ITPR1: variants seen among roughly 807,000 people sequenced by gnomAD.
ITPR1 encodes the protein inositol 1,4,5-trisphosphate receptor type 1.
ITPR1 carries 96 observed loss-of-function variants against 318.4 expected under a neutral mutation model. That is an observed-to-expected ratio of 0.30 (90% CI 0.26 to 0.36). The LOEUF is 0.36. ITPR1 is among the 10% of genes least tolerant of loss of function. ITPR1 has a pLI of 1.00. For synonymous variants in ITPR1, 1,312 were observed against 1,289.9 expected, an observed-to-expected ratio of 1.02 and a Z score of -0.37; for missense variants, 2,440 against 3,460.2, an observed-to-expected ratio of 0.71 and a Z score of 7.40.
At chr3:4,816,745 C>G (rs12638626) in intron 59 of ITPR1, among the ~76,000 whole-genome samples, 34,818 of 152,146 alleles carry the variant, frequency 0.23, 4,101 homozygotes, top group African/African-American at 0.27. Context: ...TTTCCAGTAA[C>G]TCCATAAAGT....
chr3:4,592,095 C>T (rs977673455), intron 4 of ITPR1, among the ~76,000 whole-genome samples: 5 of 152,164 alleles, frequency 3.3e-5, no homozygotes, highest in Admixed American at 2.6e-4. Context: ...AAAGAGAACA[C>T]ACAATAACGT....
chr3:4,593,586 T>A (rs1183660818), intron 4 of ITPR1, among the ~76,000 whole-genome samples: 2 of 152,234 alleles, frequency 1.3e-5, no homozygotes, highest in East Asian at 3.8e-4. Context: ...CTGATAATTA[T>A]ATGTGAAGTT....
chr3:4,709,443 T>G (rs182715768), intron 37 of ITPR1, among the ~76,000 whole-genome samples: 67 of 152,352 alleles, frequency 4.4e-4, no homozygotes, highest in Non-Finnish European at 8.5e-4. Flanking sequence ...TGGGTCCCAA[T>G]TTAAGCAGCT....
chr3:4,684,152 AAG>A, intron 28 of ITPR1, 127 bp from the exon 29 acceptor site: 1 of 683,312 alleles, frequency 1.5e-6, no homozygotes. Context: ...ACTGGGGCAT[AAG>A]CCCAGCATGA....
At chr3:4,606,957 T>C (rs2091748455) in intron 4 of ITPR1, among the ~76,000 whole-genome samples, 1 of 152,126 alleles carries the variant, frequency 6.6e-6, no homozygotes, top group African/African-American at 2.4e-5. Flanking sequence ...GAAGTATTCA[T>C]GGGGGAGATG....
chr3:4,556,479 C>G (rs368069097), intron 4 of ITPR1, among the ~76,000 whole-genome samples: 54 of 152,170 alleles, frequency 3.5e-4, no homozygotes, highest in African/African-American at 1.2e-3. Context: ...CTTCCCTCCC[C>G]CCAACCCCTG....
At position 4,497,442 on chromosome 3, in the gene ITPR1, G is replaced by A. The variant is rs540083493; in HGVS notation, c.-17+2936G>A. ...GATATAGCAATGAACAAACCATCCC[G>A]TTCCCAAGAGGCTTACATCTCAGTT... On this transcript the variant is annotated intron_variant, in intron 2 of 61. Coordinates refer to ENST00000649015, the MANE Select transcript of ITPR1 (RefSeq NM_001378452.1). Among the ~76,000 whole-genome samples the A allele has an allele frequency of 6.6e-5, 10 of 152,248 alleles. No individual in the cohort carries two copies. The South Asian group carries it at 1.0e-3, about 16-fold the overall frequency.
At chr3:4,535,442 A>ATTTTTTTTTTTTTTTTTTTTTTTATTTT (rs34152018) in intron 4 of ITPR1, among the ~76,000 whole-genome samples, 6 of 100,980 alleles carry the variant, frequency 5.9e-5, no homozygotes, top group Non-Finnish European at 9.2e-5. Context: ...TTTTTTTTTA[A>ATTTTTTTTTTTTTTTTTTTTTTTATTTT]TTTTTTTTTT....
intron 5 of ITPR1, among the ~76,000 whole-genome samples, chr3:4,634,695 A>G (rs145517252): frequency 1.8e-4 from 28 of 151,986 alleles, no homozygotes; most frequent in Admixed American, 1.1e-3. Flanking sequence ...TGTTTTCCCT[A>G]CTCTCCTACC....
intron 17 of ITPR1, among the ~76,000 whole-genome samples, chr3:4,666,590 C>G (rs549941804): frequency 6.6e-6 from 1 of 152,266 alleles, no homozygotes; most frequent in East Asian, 1.9e-4. Flanking sequence ...TTATAGAATA[C>G]AGGCTGAAAA....
chr3:4,621,951 C>T (rs1014336367), intron 4 of ITPR1, among the ~76,000 whole-genome samples: 12 of 152,070 alleles, frequency 7.9e-5, no homozygotes, highest in Non-Finnish European at 1.5e-4. Flanking sequence ...CTAGTGCATC[C>T]ATAGATAAAT....
In ITPR1 at chr3:4,680,709, GA is replaced by G; in HGVS notation, c.3106+20del. 6.3e-7 allele frequency: 1 copy of G among 1,596,764 alleles called. No individual in the cohort carries two copies. Among genetic ancestry groups the G allele is most frequent in the Admixed American group, 1.8e-5 (1 of 56,938 alleles). On this transcript the variant is annotated intron_variant, in intron 25 of 61. Transcript: ENST00000649015. The stretch of plus-strand genomic sequence containing the variant: ...TGTACCAGGTTAGTGATTCAGAATG[GA>G]ATTTCAGCCATAGAATGGGACCTGG...
chr3:4,821,118 G>A (rs997101705), intron 60 of ITPR1, among the ~76,000 whole-genome samples: 2 of 152,246 alleles, frequency 1.3e-5, no homozygotes, highest in African/African-American at 2.4e-5. Context: ...CTACTCCAGC[G>A]TGGAGGACAG....
chr3:4,698,831 A>G (rs1243607582), intron 34 of ITPR1, among the ~76,000 whole-genome samples: 1 of 152,200 alleles, frequency 6.6e-6, no homozygotes, highest in Non-Finnish European at 1.5e-5. Context: ...TAAATTATAG[A>G]ACTAATGAAT....
In ITPR1 at chr3:4,722,860, T is replaced by C. The variant is rs147896915; in HGVS notation, c.5137-2686T>C. 1.6e-4 allele frequency among the ~76,000 whole-genome samples: 25 copies of C among 152,258 alleles called. No homozygotes were observed. The East Asian group carries it at 3.3e-3, about 20-fold the overall frequency. On this transcript the variant is annotated intron_variant, in intron 40 of 61. Transcript: ENST00000649015. ...TTTAGTTAGAAGGAATCCTAAAGAA[T>C]ATTTGCAGCCATGTGTGGTGACTCA...
intron 4 of ITPR1, among the ~76,000 whole-genome samples, chr3:4,545,760 T>C (rs2084929586): frequency 6.8e-6 from 1 of 147,592 alleles, no homozygotes; most frequent in East Asian, 2.0e-4. Flanking sequence ...TGCAGTGGCG[T>C]GATCCAGGCT....
At chr3:4,733,437 G>C (rs2043066889) in intron 43 of ITPR1, among the ~76,000 whole-genome samples, 1 of 152,100 alleles carries the variant, frequency 6.6e-6, no homozygotes, top group Non-Finnish European at 1.5e-5. Context: ...TGGTGGCTAA[G>C]CCTTTTGCTC....
chr3:4,702,729 G>C, intron 35 of ITPR1, 101 bp from the exon 36 acceptor site: 1 of 1,259,888 alleles, frequency 7.9e-7, no homozygotes, highest in South Asian at 1.4e-5. Flanking sequence ...CTCTGATCTG[G>C]GGTCCAGTGG....
At chr3:4,809,202 C>A (rs569100760) in intron 55 of ITPR1, among the ~76,000 whole-genome samples, 3 of 152,224 alleles carry the variant, frequency 2.0e-5, no homozygotes, top group African/African-American at 7.2e-5. Context: ...AAGCAGCAGG[C>A]AAAATGTTTC....
Sources: gnomAD v4.1 joint callset for allele counts (sites outside exome capture counted in the v4.1 genomes callset) on GRCh38, gnomAD v4.1.1 for gene constraint, MANE v1.5 for transcripts, NCBI Gene and HGNC (gene_info 2026-07-23, HGNC 2026-07-21) for gene names.